Variants in CSMD1 observed in about 807,000 individuals in gnomAD.
The protein encoded by CSMD1 is CUB and Sushi multiple domains 1.
Under a neutral mutation model 417.5 loss-of-function variants are expected in CSMD1, and 213 were observed. The observed-to-expected ratio is 0.51, with a 90% confidence interval of 0.46 to 0.57. The LOEUF is 0.57. Ranked by LOEUF, CSMD1 falls within the 20% of genes least tolerant of loss-of-function variation. The pLI is 0.00. For synonymous variants in CSMD1, 2,862 were observed against 1,736.8 expected (o/e 1.65, Z -16.11); for missense variants, 6,923 against 4,529.7 (o/e 1.53, Z -15.17).
chr8:3,902,587 G>A (rs1028272805), intron 5 of CSMD1, among the ~76,000 whole-genome samples: 1 of 152,010 alleles, frequency 6.6e-6, no homozygotes, highest in African/African-American at 2.4e-5. Flanking sequence ...TAGGGTTCAC[G>A]ATCCTATGAA....
chr8:3,259,422 A>ATGAG, intron 26 of CSMD1, among the ~76,000 whole-genome samples: 1 of 119,668 alleles, frequency 8.4e-6, no homozygotes, highest in Admixed American at 9.2e-5. Flanking sequence ...GCCTGAATGA[A>ATGAG]TGAGTGAATG....
At chr8:4,169,604 A>C (rs1797650826) in intron 3 of CSMD1, among the ~76,000 whole-genome samples, 1 of 152,078 alleles carries the variant, frequency 6.6e-6, no homozygotes, top group Non-Finnish European at 1.5e-5. Context: ...GAATCTTGTG[A>C]AATATGAGAA....
intron 3 of CSMD1, among the ~76,000 whole-genome samples, chr8:4,043,190 A>G (rs1797981440): frequency 6.6e-6 from 1 of 152,218 alleles, no homozygotes; most frequent in Admixed American, 6.5e-5. Flanking sequence ...AGATTATGGT[A>G]GACTGCTATA....
intron 16 of CSMD1, among the ~76,000 whole-genome samples, chr8:3,397,363 C>G (rs1292454451): frequency 6.6e-6 from 1 of 152,150 alleles, no homozygotes; most frequent in African/African-American, 2.4e-5. Context: ...CGTGTAGCAA[C>G]AGAAAACGAT....
At chr8:4,774,402 A>G (rs1238475361) in intron 1 of CSMD1, among the ~76,000 whole-genome samples, 1 of 152,158 alleles carries the variant, frequency 6.6e-6, no homozygotes, top group Non-Finnish European at 1.5e-5. Context: ...CTCCAGTTGG[A>G]AACATCCGCA....
intron 4 of CSMD1, among the ~76,000 whole-genome samples, chr8:4,030,145 C>T (rs902840145): frequency 1.6e-4 from 25 of 152,134 alleles, no homozygotes; most frequent in African/African-American, 6.0e-4. Context: ...TGCAAGGTGT[C>T]AGTGGATCTA....
chr8:4,838,637 A>T (rs944646805), intron 1 of CSMD1, among the ~76,000 whole-genome samples: 3 of 152,242 alleles, frequency 2.0e-5, no homozygotes, highest in Admixed American at 1.3e-4. Flanking sequence ...TTGCAAAACA[A>T]TAGCTCTATT....
intron 2 of CSMD1, among the ~76,000 whole-genome samples, chr8:4,542,989 A>T (rs1797466336): frequency 6.6e-6 from 1 of 152,200 alleles, no homozygotes; most frequent in Admixed American, 6.5e-5. Flanking sequence ...TGTTTTACAA[A>T]TTGATAGTCT....
At chr8:3,040,445 A>C (rs1811010985) in intron 50 of CSMD1, among the ~76,000 whole-genome samples, 1 of 147,362 alleles carries the variant, frequency 6.8e-6, no homozygotes, top group Non-Finnish European at 1.5e-5. Context: ...ATACAAAATG[A>C]TTACAAATTG....
At chr8:4,980,051 T>G (rs1197986845) in intron 1 of CSMD1, among the ~76,000 whole-genome samples, 1 of 152,004 alleles carries the variant, frequency 6.6e-6, no homozygotes, top group African/African-American at 2.4e-5. Flanking sequence ...AATAAATAAA[T>G]AAATAAATTA....
intron 3 of CSMD1, among the ~76,000 whole-genome samples, chr8:4,147,367 G>C (rs1038363227): frequency 2.0e-5 from 3 of 151,938 alleles, no homozygotes; most frequent in African/African-American, 7.3e-5. Context: ...TCAGTCCTCA[G>C]TGGCTGTGCT....
chr8:4,077,026 G>C (rs1031773757), intron 3 of CSMD1, among the ~76,000 whole-genome samples: 4 of 151,938 alleles, frequency 2.6e-5, no homozygotes, highest in Non-Finnish European at 5.9e-5. Flanking sequence ...TGCAACTCTA[G>C]GTAATTCTGT....
At chr8:4,317,847 C>G (rs570953954) in intron 3 of CSMD1, among the ~76,000 whole-genome samples, 13 of 152,186 alleles carry the variant, frequency 8.5e-5, no homozygotes, top group East Asian at 7.7e-4. Flanking sequence ...TATTTTTGAC[C>G]AAGTTAAACC....
At chr8:4,089,945 T>G (rs867049563) in intron 3 of CSMD1, among the ~76,000 whole-genome samples, 2 of 152,332 alleles carry the variant, frequency 1.3e-5, no homozygotes, top group South Asian at 4.1e-4. Context: ...GTATTATTGT[T>G]GAATACGTTG....
At chr8:4,515,693 G>A (rs543108129) in intron 2 of CSMD1, among the ~76,000 whole-genome samples, 1 of 152,266 alleles carries the variant, frequency 6.6e-6, no homozygotes, top group South Asian at 2.1e-4. Context: ...AGATGAGGCT[G>A]TCCTGCAGTG....
rs151128919 is a variant in CSMD1 at position 3,945,028 on chromosome 8, C to A, written c.818+52875G>T. Among the ~76,000 whole-genome samples the A allele has an allele frequency of 9.1e-3, 1,384 of 152,222 alleles. 19 individuals are homozygous for A. The highest frequency in any genetic ancestry group is 0.031 in the African/African-American group (1,290 of 41,558). On this transcript the variant is annotated intron_variant, in intron 5 of 69. Coordinates refer to ENST00000635120, the MANE Select transcript of CSMD1 (RefSeq NM_033225.6). ...AGTCAAATGTGAAATGTCAGATGTC[C>A]AGGACATCCAGAGAGAGCTCTATAA...
At position 3,047,318 on chromosome 8, in the gene CSMD1, C is replaced by T. The variant is rs567473366; in HGVS notation, c.7660+5144G>A. Among the ~76,000 whole-genome samples the T allele has an allele frequency of 3.9e-5, 6 of 152,064 alleles. No homozygotes were observed. The South Asian group carries it at 6.2e-4, about 16-fold the overall frequency. Reference sequence around the variant, plus strand: ...CTCTTCTGTAGAAATTGGTCCCAGACGATTCCCGTGTTCCTTCATCTACAT... The same window carrying T: ...CTCTTCTGTAGAAATTGGTCCCAGATGATTCCCGTGTTCCTTCATCTACAT... On this transcript the variant is annotated intron_variant, in intron 50 of 69. Coordinates refer to ENST00000635120, the MANE Select transcript of CSMD1 (RefSeq NM_033225.6).
chr8:3,023,195 A>G (rs1248371064), intron 51 of CSMD1, among the ~76,000 whole-genome samples: 1 of 152,222 alleles, frequency 6.6e-6, no homozygotes, highest in Non-Finnish European at 1.5e-5. Context: ...CTCCAGTAAC[A>G]AACAGCAGAT....
chr8:4,238,903 G>C (rs1227780278), intron 3 of CSMD1, among the ~76,000 whole-genome samples: 1 of 152,040 alleles, frequency 6.6e-6, no homozygotes, highest in Admixed American at 6.5e-5. Flanking sequence ...TGAGTTTCTA[G>C]GTTAAATTTA....
Sources: allele counts gnomAD v4.1 joint callset (sites outside exome capture counted in the v4.1 genomes callset), GRCh38; gene constraint gnomAD v4.1.1; transcripts MANE v1.5; gene names NCBI Gene and HGNC (gene_info 2026-07-23, HGNC 2026-07-21).